The following PITRM1 variants were observed in gnomAD, a reference collection of about 807,000 sequenced individuals.
PITRM1 encodes the protein presequence protease, mitochondrial.
Under a neutral mutation model 129.9 loss-of-function variants are expected in PITRM1, and 100 were observed. The ratio of observed to expected loss-of-function variants is 0.77; its 90% CI spans 0.65 to 0.91. PITRM1 has a LOEUF of 0.91. Ranked by LOEUF, PITRM1 falls within the 40% of genes least tolerant of loss-of-function variation. The pLI is 0.00. For synonymous variants in PITRM1, 591 were observed against 508.8 expected (o/e 1.16, Z -2.17); for missense variants, 1,471 against 1,318.3 (o/e 1.12, Z -1.79).
intron 7 of PITRM1, among the ~76,000 whole-genome samples, chr10:3,162,587 C>T (rs895303079): frequency 1.3e-5 from 2 of 152,178 alleles, no homozygotes; most frequent in Non-Finnish European, 2.9e-5. Flanking sequence ...CCAGTGGAGG[C>T]GAGCAGACCT....
At chr10:3,148,498 G>C in intron 16 of PITRM1, 1 of 563,458 alleles carries the variant, frequency 1.8e-6, no homozygotes, top group Non-Finnish European at 3.0e-6. Context: ...GGAGACCCCA[G>C]TTTCTCCCGC....
intron 7 of PITRM1, among the ~76,000 whole-genome samples, chr10:3,162,062 C>T (rs1214521247): frequency 6.6e-6 from 1 of 151,288 alleles, no homozygotes; most frequent in East Asian, 2.0e-4. Context: ...GTCCCAGCTA[C>T]TCAGGAGGCT....
intron 6 of PITRM1, 93 bp downstream of exon 6, chr10:3,165,145 A>G: frequency 1.1e-6 from 1 of 920,390 alleles, no homozygotes; most frequent in Middle Eastern, 2.2e-4. Context: ...TATAATGAGA[A>G]TATTAAATAA....
chr10:3,158,263 C>T, intron 10 of PITRM1, 110 bp from the exon 11 acceptor site: 1 of 673,492 alleles, frequency 1.5e-6, no homozygotes, highest in Non-Finnish European at 2.6e-6. Flanking sequence ...TCCAGCCCCT[C>T]CACTGAAAAG....
intron 24 of PITRM1, among the ~76,000 whole-genome samples, chr10:3,139,280 A>T (rs532585495): frequency 6.6e-6 from 1 of 152,366 alleles, no homozygotes; most frequent in South Asian, 2.1e-4. Context: ...GTCTGTCTGC[A>T]CAAAGTCCTC....
intron 24 of PITRM1, among the ~76,000 whole-genome samples, chr10:3,139,875 C>T (rs1247172751): frequency 1.3e-5 from 2 of 152,178 alleles, no homozygotes; most frequent in African/African-American, 4.8e-5. Flanking sequence ...GGCAGCAAAG[C>T]CATAGAAAAT....
Position 3,165,450 on chromosome 10 carries a change from C to T in PITRM1, c.496G>A (p.Ala166Thr), listed in dbSNP as rs1588712993. The T allele has an allele frequency of 1.2e-6, 2 of 1,613,318 alleles. No homozygotes were observed. The highest frequency in any genetic ancestry group is 1.3e-5 in the African/African-American group (1 of 74,874). The change falls in exon 5 of 27, where the codon GCC becomes ACC. Residue 166 changes from alanine to threonine, a missense_variant. By Grantham distance (58) the Ala-to-Thr change is moderately conservative (BLOSUM62 0). Coordinates refer to ENST00000224949, the MANE Select transcript of PITRM1 (RefSeq NM_014889.4). ...FQNLLSVYLD[A>T]TFFPCLRELD... ...TCGCGTAAACATGGGAAAAAGGTGG[C>T]ATCCAAATACACCGAGAGGAGATTC... is the stretch of plus-strand genomic sequence containing the variant.
At chr10:3,169,246 T>C (rs1843141928) in intron 2 of PITRM1, among the ~76,000 whole-genome samples, 1 of 152,198 alleles carries the variant, frequency 6.6e-6, no homozygotes, top group Non-Finnish European at 1.5e-5. Context: ...CTCCAAGTCT[T>C]TTCATGAGTC....
At chr10:3,154,240 G>T (rs190721500) in intron 14 of PITRM1, among the ~76,000 whole-genome samples, 1 of 152,326 alleles carries the variant, frequency 6.6e-6, no homozygotes, top group Admixed American at 6.5e-5. Context: ...GCATTTCTTT[G>T]TAAGGATGTA....
Position 3,172,698 on chromosome 10 carries a change from T to TCCCGTCGCAGCGTCTCA in PITRM1, c.56+2_56+18dup, listed in dbSNP as rs1843500533. 5.9e-6 allele frequency: 9 copies of TCCCGTCGCAGCGTCTCA among 1,533,136 alleles called. No individual in the cohort carries two copies. Among genetic ancestry groups the TCCCGTCGCAGCGTCTCA allele is most frequent in the Non-Finnish European group, 7.9e-6 (9 of 1,140,950 alleles). 95.0% of individuals were successfully genotyped at this position (1,533,136 alleles called of 1,614,324 possible). ...CCCGGGTACCAGCGCGCCGAGCGCC[T>TCCCGTCGCAGCGTCTCA]CCCGTCGCAGCGTCTCACCCGCCGC... On this transcript the variant is annotated intron_variant, in intron 1 of 26. Transcript: ENST00000224949.
chr10:3,143,656 ACT>A, intron 22 of PITRM1, 155 bp from the exon 23 acceptor site: 1 of 715,082 alleles, frequency 1.4e-6, no homozygotes, highest in South Asian at 1.5e-5. Flanking sequence ...TCTCCGTGAC[ACT>A]CTGCAGCCAG....
At chr10:3,170,408 A>C (rs775895874) in intron 1 of PITRM1, among the ~76,000 whole-genome samples, 1 of 152,206 alleles carries the variant, frequency 6.6e-6, no homozygotes, top group Non-Finnish European at 1.5e-5. Flanking sequence ...TCTTAACTAA[A>C]GCTTCAATGT....
chr10:3,142,645 G>T (rs972438312), intron 23 of PITRM1, among the ~76,000 whole-genome samples: 1 of 152,254 alleles, frequency 6.6e-6, no homozygotes, highest in Admixed American at 6.5e-5. Context: ...CCAGTCTGTA[G>T]GCTGCAAACT....
chr10:3,148,625 A>C, intron 16 of PITRM1: 1 of 226,140 alleles, frequency 4.4e-6, no homozygotes, highest in East Asian at 9.3e-5. Flanking sequence ...TTTTATGACT[A>C]CTCCCTACTC....
chr10:3,159,333 G>A (rs1842246576), intron 9 of PITRM1, among the ~76,000 whole-genome samples: 1 of 152,352 alleles, frequency 6.6e-6, no homozygotes, highest in South Asian at 2.1e-4. Context: ...GCACCATTAA[G>A]GAGACAAGGA....
At chr10:3,164,776 T>A (rs1038969387) in intron 6 of PITRM1, among the ~76,000 whole-genome samples, 1 of 152,224 alleles carries the variant, frequency 6.6e-6, no homozygotes, top group Non-Finnish European at 1.5e-5. Flanking sequence ...ATACTTCTCA[T>A]AACAAAGTAA....
In PITRM1 at chr10:3,163,831, G is replaced by A; in HGVS notation, c.685C>T (p.His229Tyr). 1 of 1,612,472 alleles carries A rather than the reference G, an allele frequency of 6.2e-7. No individual in the cohort carries two copies. Among genetic ancestry groups the A allele is most frequent in the Admixed American group, 1.7e-5 (1 of 59,850 alleles). The change falls in exon 7 of 27, where the codon CAC becomes TAC. Residue 229 changes from histidine (H) to tyrosine (Y), a missense_variant. By Grantham distance (83) the His-to-Tyr change is moderately conservative. Coordinates refer to ENST00000224949, the MANE Select transcript of PITRM1 (RefSeq NM_014889.4). Reference protein sequence around the residue: ...QHLQNRLLPDHTYSVVSGGDP... With the variant: ...QHLQNRLLPDYTYSVVSGGDP... ...CCCCCGGAGACCACTGAGTACGTGTGGTCAGGAAGAAGTCTGTTCTGAAGG... is the reference window on the plus strand; with the variant it reads ...CCCCCGGAGACCACTGAGTACGTGTAGTCAGGAAGAAGTCTGTTCTGAAGG...
At chr10:3,159,819 T>TGTGTGTGTG (rs1314497552) in intron 9 of PITRM1, 29 bp downstream of exon 9, 7 of 1,340,584 alleles carry the variant, frequency 5.2e-6, no homozygotes, top group Non-Finnish European at 7.4e-6. Flanking sequence ...TGTTTTTGTC[T>TGTGTGTGTG]TGTATGAGCT....
At chr10:3,138,814 G>A (rs758667812) in intron 25 of PITRM1, 90 bp downstream of exon 25, 1 of 1,229,948 alleles carries the variant, frequency 8.1e-7, no homozygotes, top group Non-Finnish European at 1.2e-6. Context: ...AGAAGCTAGT[G>A]CTCCTGCCCA....
Sources: gnomAD v4.1 joint callset for allele counts (sites outside exome capture counted in the v4.1 genomes callset) on GRCh38, gnomAD v4.1.1 for gene constraint, MANE v1.5 for transcripts, NCBI Gene and HGNC (gene_info 2026-07-23, HGNC 2026-07-21) for gene names.